Variants in MOSMO observed in about 807,000 individuals in gnomAD.
The protein encoded by MOSMO is modulator of smoothened, also known as modulator of smoothened protein.
Under a neutral mutation model 18.4 loss-of-function variants are expected in MOSMO, and 5 were observed. That is an observed-to-expected ratio of 0.27 (90% CI 0.14 to 0.57). MOSMO has a LOEUF of 0.57. Among genes scored for constraint, MOSMO ranks in the 20% least tolerant of loss-of-function variants. The pLI is 0.92. For missense variants in MOSMO, 138 were observed against 211.8 expected, an observed-to-expected ratio of 0.65 and a Z score of 2.16; for synonymous variants, 82 against 82.3, an observed-to-expected ratio of 1.00 and a Z score of 0.02.
chr16:22,021,385 A>G (rs1899758926), intron 1 of MOSMO, among the ~76,000 whole-genome samples: 5 of 152,026 alleles, frequency 3.3e-5, no homozygotes, highest in Admixed American at 3.3e-4. Flanking sequence ...GTTATTCTGT[A>G]TTTTCCCCCA....
chr16:22,056,899 A>C (rs1174271749), intron 1 of MOSMO, among the ~76,000 whole-genome samples: 1 of 152,198 alleles, frequency 6.6e-6, no homozygotes, highest in Non-Finnish European at 1.5e-5. Context: ...TGAGAACATT[A>C]TCAGGATTCA....
downstream of MOSMO, chr16:22,092,483 T>G: frequency 1.2e-6 from 1 of 867,470 alleles, no homozygotes; most frequent in South Asian, 1.8e-5. Flanking sequence ...GCTGCAGTGG[T>G]GCAGTCTGTT....
intron 1 of MOSMO, among the ~76,000 whole-genome samples, chr16:22,060,261 T>C (rs1900615527): frequency 6.6e-6 from 1 of 152,168 alleles, no homozygotes; most frequent in South Asian, 2.1e-4. Context: ...AGCAAGGCTA[T>C]GGGGGAAATA....
intron 2 of MOSMO, among the ~76,000 whole-genome samples, chr16:22,079,767 GTTTTA>G (rs1901040914): frequency 6.6e-6 from 1 of 151,972 alleles, no homozygotes; most frequent in African/African-American, 2.4e-5. Context: ...CTACTAGCTG[GTTTTA>G]TTTTATTTTT....
chr16:22,020,978 G>C (rs559197697), intron 1 of MOSMO, among the ~76,000 whole-genome samples: 44 of 152,232 alleles, frequency 2.9e-4, no homozygotes, highest in Admixed American at 1.6e-3. Context: ...GGAATAACCT[G>C]TGGTAGAGTT....
intron 1 of MOSMO, chr16:22,064,461 C>A (rs7500447): frequency 2.2e-6 from 1 of 454,020 alleles, no homozygotes; most frequent in Non-Finnish European, 4.4e-6. Context: ...GAATGGAATT[C>A]TTCCATGGGA....
chr16:22,085,414 C>G (rs1004648850), downstream of MOSMO: 6 of 152,100 alleles, frequency 3.9e-5, no homozygotes, highest in African/African-American at 9.7e-5. Context: ...TCTAAATCTT[C>G]TCCTGATTTG....
chr16:22,042,148 A>G (rs1900222456), intron 1 of MOSMO, among the ~76,000 whole-genome samples: 1 of 152,096 alleles, frequency 6.6e-6, no homozygotes, highest in Admixed American at 6.6e-5. Flanking sequence ...AAGGTTATCT[A>G]CTTTGGGCAG....
chr16:22,070,095 C>T (rs1305722143), intron 1 of MOSMO, among the ~76,000 whole-genome samples: 1 of 152,068 alleles, frequency 6.6e-6, no homozygotes, highest in Non-Finnish European at 1.5e-5. Flanking sequence ...ATGGCCTCTA[C>T]TTTTTTCTGA....
chr16:22,042,520 C>G (rs907842256), intron 1 of MOSMO, among the ~76,000 whole-genome samples: 1 of 152,178 alleles, frequency 6.6e-6, no homozygotes, highest in Non-Finnish European at 1.5e-5. Context: ...TTTGCTAGAA[C>G]ATATTTACAT....
chr16:22,013,166 A>T (rs1388052744), intron 1 of MOSMO, among the ~76,000 whole-genome samples: 1 of 152,152 alleles, frequency 6.6e-6, no homozygotes, highest in African/African-American at 2.4e-5. Flanking sequence ...GCACTTTGAC[A>T]TCCATTACTT....
chr16:22,070,169 C>T (rs1395045422), intron 1 of MOSMO, among the ~76,000 whole-genome samples: 1 of 152,088 alleles, frequency 6.6e-6, no homozygotes, highest in Non-Finnish European at 1.5e-5. Context: ...AAGGAGAGTG[C>T]AGGAGTCTTG....
In MOSMO at chr16:22,082,333, A is replaced by T. The variant is rs1381942048; in HGVS notation, c.*1453A>T. Reference sequence around the variant, plus strand: ...CATTGCAGCTAACCCTTGAACTCACAGTTTTAAAATACAGTATTTCTCTTC... The same window carrying T: ...CATTGCAGCTAACCCTTGAACTCACTGTTTTAAAATACAGTATTTCTCTTC... On this transcript the variant is annotated 3_prime_UTR_variant, in exon 3 of 3. Coordinates refer to ENST00000542527, the MANE Select transcript of MOSMO (RefSeq NM_001164579.2). 1.3e-5 allele frequency: 2 copies of T among 152,196 alleles called. No individual in the cohort carries two copies. Among genetic ancestry groups the T allele is most frequent in the African/African-American group, 4.8e-5 (2 of 41,452 alleles). 9.4% of individuals were successfully genotyped at this position (152,196 alleles called of 1,614,324 possible). A position where few individuals can be genotyped will look rare whatever the true frequency, so the allele number is the denominator to read the frequency against.
intron 1 of MOSMO, among the ~76,000 whole-genome samples, chr16:22,066,186 G>A (rs534420654): frequency 4.6e-5 from 7 of 152,136 alleles, no homozygotes; most frequent in Non-Finnish European, 8.8e-5. Flanking sequence ...CTATTTGATC[G>A]GTCTGGCAGC....
rs142359225 is a variant in MOSMO at position 22,057,551 on chromosome 16, G to A, written c.107-17936G>A. ...GAGTTCTCAAATAACAGACACAAAA[G>A]TTACATAGAAGAGATTGATAGTTCA... On this transcript the variant is annotated intron_variant, in intron 1 of 2. Coordinates refer to ENST00000542527, the MANE Select transcript of MOSMO (RefSeq NM_001164579.2). Among the ~76,000 whole-genome samples the A allele has an allele frequency of 1.5e-3, 228 of 152,262 alleles. 1 individual carries two copies. The highest frequency in any genetic ancestry group is 5.3e-3 in the African/African-American group (222 of 41,536).
At chr16:22,087,478 T>C (rs924862824), downstream of MOSMO, 5 of 152,228 alleles carry the variant, frequency 3.3e-5, no homozygotes, top group African/African-American at 1.2e-4. Flanking sequence ...TGTTTAAATA[T>C]TTAATATTGT....
chr16:22,078,874 A>G (rs1901024460), intron 2 of MOSMO, among the ~76,000 whole-genome samples: 1 of 152,210 alleles, frequency 6.6e-6, no homozygotes, highest in Non-Finnish European at 1.5e-5. Flanking sequence ...AAAAAGCTAA[A>G]AGCTATAAAA....
At chr16:22,024,776 T>C (rs1899841846) in intron 1 of MOSMO, among the ~76,000 whole-genome samples, 1 of 152,090 alleles carries the variant, frequency 6.6e-6, no homozygotes, top group South Asian at 2.1e-4. Flanking sequence ...GGCAGGGACA[T>C]ATGTGTAATC....
At chr16:22,086,561 A>T (rs1344443654), downstream of MOSMO, among the ~76,000 whole-genome samples, 1 of 152,184 alleles carries the variant, frequency 6.6e-6, no homozygotes, top group East Asian at 1.9e-4. Context: ...TTAAATCTCA[A>T]TTCCACCATT....
Sources: allele counts gnomAD v4.1 joint callset (sites outside exome capture counted in the v4.1 genomes callset), GRCh38; gene constraint gnomAD v4.1.1; transcripts MANE v1.5; gene names NCBI Gene and HGNC (gene_info 2026-07-23, HGNC 2026-07-21).